Variants in OPCML observed in about 807,000 individuals in gnomAD.
OPCML encodes opioid-binding protein/cell adhesion molecule.
In OPCML, 13 loss-of-function variants were observed where a neutral mutation model predicts 37.8. The ratio of observed to expected loss-of-function variants is 0.34; its 90% confidence interval spans 0.22 to 0.55. The LOEUF (loss-of-function observed/expected upper bound fraction) is 0.55, where lower values mean the gene tolerates loss of function less well. OPCML is among the 20% of genes least tolerant of loss of function. The probability of loss-of-function intolerance (pLI) is 0.91; values close to 1 mark genes in which losing one functional copy is unlikely to be tolerated. For synonymous variants in OPCML, 176 were observed against 168.8 expected, an observed-to-expected ratio of 1.04 and a Z score of -0.33; for missense variants, 341 against 435.6, an observed-to-expected ratio of 0.78 and a Z score of 1.93.
At chr11:133,218,928 T>G (rs1449877982) in intron 1 of OPCML, among the ~76,000 whole-genome samples, 1 of 152,232 alleles carries the variant, frequency 6.6e-6, no homozygotes, top group Non-Finnish European at 1.5e-5. Context: ...CTTGAGCCCA[T>G]AAGCCTATAA....
At chr11:132,785,303 T>G (rs912803937) in intron 2 of OPCML, among the ~76,000 whole-genome samples, 30 of 152,188 alleles carry the variant, frequency 2.0e-4, no homozygotes, top group Middle Eastern at 3.2e-3. Context: ...ATTTATCACA[T>G]GAGGGATCTA....
chr11:133,488,837 G>A (rs1454014562), intron 1 of OPCML, among the ~76,000 whole-genome samples: 1 of 151,898 alleles, frequency 6.6e-6, no homozygotes, highest in East Asian at 1.9e-4. Context: ...TCAAGGCTAT[G>A]GTAACCAAAG....
At chr11:132,631,623 C>A (rs942077518) in intron 3 of OPCML, among the ~76,000 whole-genome samples, 4 of 150,262 alleles carry the variant, frequency 2.7e-5, no homozygotes, top group Admixed American at 6.6e-5. Context: ...CCACGCCCGG[C>A]TAATTTTTTT....
chr11:132,824,476 CT>C (rs1469642243), intron 2 of OPCML, among the ~76,000 whole-genome samples: 2 of 152,188 alleles, frequency 1.3e-5, no homozygotes, highest in African/African-American at 2.4e-5. Flanking sequence ...TTCATCCTCA[CT>C]TTTTATCATC....
At chr11:132,611,954 C>T (rs894907206) in intron 3 of OPCML, among the ~76,000 whole-genome samples, 23 of 152,182 alleles carry the variant, frequency 1.5e-4, no homozygotes, top group African/African-American at 4.8e-4. Context: ...CCGGAGGAGA[C>T]GTTCCACAGG....
chr11:132,860,538 A>G (rs1437676190), intron 2 of OPCML: 1 of 152,178 alleles, frequency 6.6e-6, no homozygotes, highest in Non-Finnish European at 1.5e-5. Context: ...TATTGAGACA[A>G]GATGCATAGT....
intron 3 of OPCML, among the ~76,000 whole-genome samples, chr11:132,594,408 G>A (rs896066408): frequency 1.3e-5 from 2 of 152,060 alleles, no homozygotes; most frequent in Non-Finnish European, 2.9e-5. Context: ...AGAAAAGATT[G>A]AGAAGAATAT....
chr11:133,377,192 G>A (rs1355102630), intron 1 of OPCML, among the ~76,000 whole-genome samples: 2 of 152,120 alleles, frequency 1.3e-5, no homozygotes, highest in African/African-American at 4.8e-5. Context: ...TTTGGGTAGA[G>A]AACAAAAGAA....
At chr11:132,553,028 T>C (rs913212459) in intron 3 of OPCML, among the ~76,000 whole-genome samples, 6 of 152,140 alleles carry the variant, frequency 3.9e-5, no homozygotes, top group African/African-American at 1.4e-4. Context: ...CCTCCCAAAG[T>C]GCTGGGATTA....
intron 1 of OPCML, among the ~76,000 whole-genome samples, chr11:133,354,327 GTGA>G (rs1375879197): frequency 7.6e-3 from 9 of 1,184 alleles, no homozygotes; most frequent in Non-Finnish European, 0.014. Flanking sequence ...GGTGGTGGTG[GTGA>G]TGATGGTGGT....
intron 1 of OPCML, among the ~76,000 whole-genome samples, chr11:133,021,088 C>T (rs1947441814): frequency 1.3e-5 from 2 of 152,110 alleles, no homozygotes; most frequent in Admixed American, 1.3e-4. Context: ...ATTCCTTCAG[C>T]CATTCAGGAG....
chr11:133,055,571 A>G (rs1181419410), intron 1 of OPCML, among the ~76,000 whole-genome samples: 23 of 117,842 alleles, frequency 2.0e-4, no homozygotes, highest in South Asian at 3.1e-4. Context: ...ACTTCCAAGT[A>G]GTGAGACTCC....
intron 1 of OPCML, among the ~76,000 whole-genome samples, chr11:133,465,449 A>G (rs969579890): frequency 2.0e-5 from 3 of 152,170 alleles, no homozygotes; most frequent in African/African-American, 4.8e-5. Context: ...TCTGTCTATC[A>G]CTATGTGTGT....
intron 1 of OPCML, among the ~76,000 whole-genome samples, chr11:133,231,439 G>A (rs767019405): frequency 6.6e-5 from 10 of 152,214 alleles, no homozygotes; most frequent in South Asian, 2.1e-4. Flanking sequence ...TGCACCCCAC[G>A]GTGTTTTAAG....
chr11:132,486,491 C>A (rs897338540), intron 4 of OPCML, among the ~76,000 whole-genome samples: 4 of 151,810 alleles, frequency 2.6e-5, no homozygotes, highest in Non-Finnish European at 4.4e-5. Context: ...TGATTCCCTG[C>A]TCAAATAAGT....
intron 2 of OPCML, among the ~76,000 whole-genome samples, chr11:132,892,848 C>G (rs1319130228): frequency 2.0e-5 from 3 of 152,108 alleles, no homozygotes; most frequent in Non-Finnish European, 2.9e-5. Flanking sequence ...TAACAAAGAG[C>G]AAGAAGCTAA....
In OPCML at chr11:132,764,530, T is replaced by C. The variant is rs558560134; in HGVS notation, c.147-107211A>G. Among the ~76,000 whole-genome samples, 8 of 152,320 alleles carry C rather than the reference T, an allele frequency of 5.3e-5. 1 individual carries two copies. Among genetic ancestry groups the C allele is most frequent in the African/African-American group, 1.9e-4 (8 of 41,572 alleles). ...CTCCGGGGATCAGGTTCCCCACTCA[T>C]AACATGTTGATACCAATACCTACTT... On this transcript the variant is annotated intron_variant, in intron 2 of 7. Transcript: ENST00000524381.
rs566395743 is a variant in OPCML at position 133,421,152 on chromosome 11, A to G, written c.61+111112T>C. ...CTAACTCTATTTAACTCTGTTGAATAATGAAATTTTAGTAAACTGTATAAT... is the reference window on the plus strand; with the variant it reads ...CTAACTCTATTTAACTCTGTTGAATGATGAAATTTTAGTAAACTGTATAAT... On this transcript the variant is annotated intron_variant, in intron 1 of 7. Coordinates refer to ENST00000524381, the MANE Select transcript of OPCML (RefSeq NM_001012393.5). The G allele has an allele frequency of 2.1e-4, 211 of 985,468 alleles. 2 individuals are homozygous for G. The South Asian group carries it at 4.9e-3, about 23-fold the overall frequency. The allele number at this position is 985,468 out of a possible 1,614,324, so 61.0% of individuals were successfully genotyped here.
At chr11:132,928,514 AG>A (rs1945076582) in intron 2 of OPCML, among the ~76,000 whole-genome samples, 2 of 152,070 alleles carry the variant, frequency 1.3e-5, no homozygotes, top group African/African-American at 4.8e-5. Flanking sequence ...TTGCTCTACA[AG>A]ACCAGTAGGA....
Sources: gnomAD v4.1 joint callset for allele counts (sites outside exome capture counted in the v4.1 genomes callset) on GRCh38, gnomAD v4.1.1 for gene constraint, MANE v1.5 for transcripts, NCBI Gene and HGNC (gene_info 2026-07-23, HGNC 2026-07-21) for gene names.